The following SRPK2 variants were observed in gnomAD, a reference collection of about 807,000 sequenced individuals.
SRPK2 encodes SRSF protein kinase 2.
SRPK2 carries 21 observed loss-of-function variants against 90.8 expected under a neutral mutation model. That is an observed-to-expected ratio of 0.23 (90% CI 0.16 to 0.33). SRPK2 has a LOEUF of 0.33. Ranked by LOEUF, SRPK2 falls within the 10% of genes least tolerant of loss-of-function variation. The pLI, the probability that SRPK2 is intolerant of heterozygous loss-of-function variation, is 1.00. For missense variants in SRPK2, 620 were observed against 869.0 expected, an observed-to-expected ratio of 0.71 and a Z score of 3.60; for synonymous variants, 288 against 311.1, an observed-to-expected ratio of 0.93 and a Z score of 0.78.
chr7:105,223,707 C>G (rs894668047), intron 2 of SRPK2, among the ~76,000 whole-genome samples: 2 of 152,210 alleles, frequency 1.3e-5, no homozygotes, highest in African/African-American at 4.8e-5. Flanking sequence ...CATCTCTCTC[C>G]TTGCACACAC....
At chr7:105,331,793 T>C (rs1224199075) in intron 2 of SRPK2, among the ~76,000 whole-genome samples, 1 of 151,972 alleles carries the variant, frequency 6.6e-6, no homozygotes, top group Non-Finnish European at 1.5e-5. Flanking sequence ...AACACGAACT[T>C]AGGAGGGACC....
intron 3 of SRPK2, 59 bp downstream of exon 3, chr7:105,203,569 A>G: frequency 2.9e-6 from 4 of 1,395,626 alleles, no homozygotes; most frequent in Non-Finnish European, 3.7e-6. Context: ...TCCCCCAACA[A>G]ATTACTACAC....
chr7:105,320,579 TA>T (rs770937095), intron 2 of SRPK2, among the ~76,000 whole-genome samples: 127 of 152,170 alleles, frequency 8.3e-4, no homozygotes, highest in Non-Finnish European at 1.6e-3. Flanking sequence ...AAAATAAAAA[TA>T]AAATCAGTAA....
intron 2 of SRPK2, chr7:105,298,704 G>A: frequency 3.0e-6 from 3 of 984,968 alleles, no homozygotes; most frequent in Non-Finnish European, 3.6e-6. Context: ...GCCTAAAATA[G>A]TTCATCCCCA....
chr7:105,259,285 T>C (rs1204872840), intron 2 of SRPK2, among the ~76,000 whole-genome samples: 1 of 152,220 alleles, frequency 6.6e-6, no homozygotes, highest in Admixed American at 6.5e-5. Flanking sequence ...CATTCACAAT[T>C]GCTTCAGAGA....
chr7:105,281,725 G>A (rs1807370655), intron 2 of SRPK2, among the ~76,000 whole-genome samples: 1 of 148,092 alleles, frequency 6.8e-6, no homozygotes, highest in African/African-American at 2.5e-5. Flanking sequence ...GCAGCAAAAA[G>A]AATAAAATAT....
intron 2 of SRPK2, among the ~76,000 whole-genome samples, chr7:105,270,073 C>G (rs911451777): frequency 6.6e-6 from 1 of 152,108 alleles, no homozygotes; most frequent in Non-Finnish European, 1.5e-5. Context: ...AAAATTAGTT[C>G]CATAAAATAC....
chr7:105,285,230 T>G (rs1807912770), intron 2 of SRPK2, among the ~76,000 whole-genome samples: 2 of 151,032 alleles, frequency 1.3e-5, no homozygotes, highest in African/African-American at 4.9e-5. Flanking sequence ...TACAAAAAAA[T>G]CAAAAATTAG....
chr7:105,277,781 T>C (rs1289403449), intron 2 of SRPK2, among the ~76,000 whole-genome samples: 2 of 152,218 alleles, frequency 1.3e-5, no homozygotes, highest in Non-Finnish European at 2.9e-5. Context: ...CAAAATCCTT[T>C]GTCACTCTCT....
intron 3 of SRPK2, among the ~76,000 whole-genome samples, chr7:105,190,244 T>G (rs1204748975): frequency 6.6e-6 from 1 of 152,226 alleles, no homozygotes; most frequent in Non-Finnish European, 1.5e-5. Flanking sequence ...ACTGCAAGTA[T>G]GACTGCCCAT....
intron 2 of SRPK2, among the ~76,000 whole-genome samples, chr7:105,206,825 C>G (rs1206534578): frequency 6.6e-6 from 1 of 152,172 alleles, no homozygotes; most frequent in African/African-American, 2.4e-5. Flanking sequence ...ACGAGTATTT[C>G]TAGTGGATGG....
chr7:105,342,002 G>A (rs908131787), intron 2 of SRPK2, among the ~76,000 whole-genome samples: 10 of 151,646 alleles, frequency 6.6e-5, no homozygotes, highest in Admixed American at 4.0e-4. Context: ...GGTGACTCAT[G>A]CCTGTAATCC....
intron 2 of SRPK2, among the ~76,000 whole-genome samples, chr7:105,354,069 T>C (rs1274219918): frequency 1.3e-5 from 2 of 152,200 alleles, no homozygotes; most frequent in Non-Finnish European, 2.9e-5. Flanking sequence ...CTGCTGCATC[T>C]GCCTGGCCTT....
chr7:105,180,908 A>G (rs1792696558), intron 3 of SRPK2, among the ~76,000 whole-genome samples: 1 of 152,238 alleles, frequency 6.6e-6, no homozygotes, highest in South Asian at 2.1e-4. Context: ...CTTCCTGAAC[A>G]GCAAAATAAA....
intron 2 of SRPK2, among the ~76,000 whole-genome samples, chr7:105,323,965 CTTTGTGTGTGTGTGTGTG>C (rs1813231436): frequency 9.1e-6 from 1 of 110,422 alleles, no homozygotes; most frequent in African/African-American, 3.6e-5. Flanking sequence ...TCAGACTATT[CTTTGTGTGTGTGTGTGTG>C]TGTGTGTGTG....
At chr7:105,175,838 G>A (rs115805263) in intron 3 of SRPK2, among the ~76,000 whole-genome samples, 1,895 of 151,978 alleles carry the variant, frequency 0.012, 27 homozygotes, top group African/African-American at 0.037. Context: ...GAAAAACCAT[G>A]TATCTATTTT....
rs35542004 is a variant in SRPK2, at chr7:105,300,254, CAAAAAAAA to C, written c.71+88386_71+88393del. On this transcript the variant is annotated intron_variant, in intron 2 of 15. Coordinates refer to ENST00000393651, the MANE Select transcript of SRPK2 (RefSeq NM_182692.3). ...GGCAAGAGACAGCGAGACTCCATCT[CAAAAAAAA>C]AAAAAAAAAAAAAAAAGTATATATA... Among the ~76,000 whole-genome samples, 26 of 76,302 alleles carry C rather than the reference CAAAAAAAA, an allele frequency of 3.4e-4. 1 individual carries two copies. Among genetic ancestry groups the C allele is most frequent in the African/African-American group, 1.2e-3 (24 of 20,068 alleles). 50.1% of individuals were successfully genotyped at this position (76,302 alleles called of 152,430 possible).
At chr7:105,162,158 C>T (rs189187629) in intron 6 of SRPK2, among the ~76,000 whole-genome samples, 14 of 152,330 alleles carry the variant, frequency 9.2e-5, no homozygotes, top group East Asian at 5.8e-4. Context: ...TCTCCTACCT[C>T]GGCCTCCCAA....
intron 3 of SRPK2, among the ~76,000 whole-genome samples, chr7:105,173,362 A>C (rs1317762349): frequency 1.3e-5 from 2 of 152,174 alleles, no homozygotes; most frequent in Non-Finnish European, 2.9e-5. Flanking sequence ...GTCTATGTAT[A>C]TTCTCATATT....
Sources: gnomAD v4.1 joint callset for allele counts (sites outside exome capture counted in the v4.1 genomes callset) on GRCh38, gnomAD v4.1.1 for gene constraint, MANE v1.5 for transcripts, NCBI Gene and HGNC (gene_info 2026-07-23, HGNC 2026-07-21) for gene names.